The following TINCR variants were observed in gnomAD, a reference collection of about 807,000 sequenced individuals.
TINCR encodes the protein TINCR-encoded ubiquitin-like protein.
chr19:5,559,937 A>C (rs1328559686), downstream of TINCR: 1 of 152,282 alleles, frequency 6.6e-6, no homozygotes, highest in Non-Finnish European at 1.5e-5. Context: ...TCTGCAGAAC[A>C]GACAGCAGCA....
Position 5,565,052 on chromosome 19 carries a change from T to A in TINCR, c.261-2103A>T, listed in dbSNP as rs1390084437. 6.6e-6 allele frequency among the ~76,000 whole-genome samples: 1 copy of A among 152,116 alleles called. No homozygotes were observed. The highest frequency in any genetic ancestry group is 2.4e-5 in the African/African-American group (1 of 41,422). On this transcript the variant is annotated intron_variant, in intron 1 of 1. Transcript: ENST00000646160. The surrounding 1 kb of genome is among the most constrained non-coding windows in gnomAD (Gnocchi z 4.0). The stretch of plus-strand genomic sequence containing the variant: ...CGTCCCTCCTCTGCCCACAGCCCTC[T>A]ATGGCTCCCACCTCCCTCGGAGTCA...
At chr19:5,564,155 G>C (rs1035927025) in intron 1 of TINCR, among the ~76,000 whole-genome samples, 8 of 152,162 alleles carry the variant, frequency 5.3e-5, no homozygotes, top group Non-Finnish European at 1.2e-4. Flanking sequence ...GGAGGGAGAA[G>C]AGGGGGCCCT....
intron 1 of TINCR, 36 bp downstream of exon 1, chr19:5,567,629 G>GGCCCC: frequency 5.5e-6 from 1 of 181,986 alleles, no homozygotes. Flanking sequence ...CCCGGCCGCC[G>GGCCCC]CCCCCGCCCC....
At chr19:5,567,626 G>GCCTACCCCCCCCCCCCC in intron 1 of TINCR, 39 bp downstream of exon 1, 6 of 202,436 alleles carry the variant, frequency 3.0e-5, no homozygotes, top group Non-Finnish European at 5.9e-5. Flanking sequence ...GTCCCCGGCC[G>GCCTACCCCCCCCCCCCC]CCGCCCCCGC....
At chr19:5,566,865 G>A (rs1265102914) in intron 1 of TINCR, among the ~76,000 whole-genome samples, 1 of 151,596 alleles carries the variant, frequency 6.6e-6, no homozygotes, top group African/African-American at 2.4e-5. Flanking sequence ...CAGAGAGGGA[G>A]ACAGAAAAGA....
At chr19:5,564,086 ATGT>A (rs932444754) in intron 1 of TINCR, among the ~76,000 whole-genome samples, 29 of 152,048 alleles carry the variant, frequency 1.9e-4, no homozygotes, top group African/African-American at 6.3e-4. Context: ...GAGGCAGAAA[ATGT>A]TGTCACTACT....
intron 1 of TINCR, among the ~76,000 whole-genome samples, chr19:5,566,987 C>G (rs950658147): frequency 1.3e-5 from 2 of 150,662 alleles, no homozygotes; most frequent in African/African-American, 4.9e-5. Flanking sequence ...CAATCACAGG[C>G]AACCAAATCA....
chr19:5,565,634 C>G lies in TINCR; in HGVS notation c.260+2031G>C, dbSNP rs1034017678. Among the ~76,000 whole-genome samples, 7 of 152,120 alleles carry G rather than the reference C, an allele frequency of 4.6e-5. No homozygotes were observed. The highest frequency in any genetic ancestry group is 1.7e-4 in the African/African-American group (7 of 41,428). On this transcript the variant is annotated intron_variant, in intron 1 of 1. Coordinates refer to ENST00000646160, the Ensembl canonical transcript of TINCR. The surrounding 1 kb of genome is among the most constrained non-coding windows in gnomAD (Gnocchi z 4.0). ...TAGCCCCAAGCTCTGAACCTCCATCCCTCATCATCCTCTCAGCCTCCCCGT... is the reference window on the plus strand; with the variant it reads ...TAGCCCCAAGCTCTGAACCTCCATCGCTCATCATCCTCTCAGCCTCCCCGT...
At chr19:5,567,925 G>A (rs1000696305) in exon 1 of TINCR, 2 of 383,758 alleles carry the variant, frequency 5.2e-6, no homozygotes, top group Admixed American at 9.0e-5. Context: ...GCCCCTCCAT[G>A]GCGCCCGCCC....
chr19:5,562,039 T>C (rs899885157), downstream of TINCR: 2 of 152,674 alleles, frequency 1.3e-5, no homozygotes, highest in Admixed American at 6.5e-5. This position sits in a 1 kb window ranked among gnomAD's most constrained non-coding sequence, Gnocchi z 4.4. Flanking sequence ...GTCTCCACAA[T>C]CTCTAAGGTC....
intron 1 of TINCR, among the ~76,000 whole-genome samples, chr19:5,564,799 A>C (rs1307215571): frequency 6.6e-6 from 1 of 152,176 alleles, no homozygotes; most frequent in East Asian, 1.9e-4. Context: ...GCTGGTCTCG[A>C]ACTCTTGACT....
downstream of TINCR, chr19:5,558,237 G>A (rs563159441): frequency 6.6e-6 from 1 of 152,294 alleles, no homozygotes; most frequent in South Asian, 2.1e-4. Context: ...GTTCCAAGCT[G>A]GGTGATCCTG....
At chr19:5,564,059 TG>T (rs764635289) in intron 1 of TINCR, among the ~76,000 whole-genome samples, 7 of 152,322 alleles carry the variant, frequency 4.6e-5, no homozygotes, top group Non-Finnish European at 8.8e-5. Context: ...CCTGTCTCCC[TG>T]CAACGCTGCT....
intron 1 of TINCR, 125 bp downstream of exon 1, chr19:5,567,540 G>C: frequency 2.7e-6 from 1 of 368,296 alleles, no homozygotes; most frequent in Non-Finnish European, 4.8e-6. Context: ...AGGCCGGGCG[G>C]GCAGCGCGAG....
At position 5,563,705 on chromosome 19, in the gene TINCR, A is replaced by T. The variant is rs2052112913; in HGVS notation, c.261-756T>A. 6.6e-6 allele frequency among the ~76,000 whole-genome samples: 1 copy of T among 152,128 alleles called. No individual in the cohort carries two copies. The highest frequency in any genetic ancestry group is 1.5e-5 in the Non-Finnish European group (1 of 68,024). On this transcript the variant is annotated intron_variant, in intron 1 of 1. Coordinates refer to ENST00000646160, the Ensembl canonical transcript of TINCR. This position sits in a 1 kb window ranked among gnomAD's most constrained non-coding sequence, Gnocchi z 4.7. ...TGAGGTAGGCAGATCACCTGAGGTT[A>T]GGAGTTTGAGACCAGCCTGGCCAAC...
chr19:5,567,917 C>T (rs1599205124), exon 1 of TINCR: 3 of 386,198 alleles, frequency 7.8e-6, no homozygotes, highest in African/African-American at 4.2e-5. Context: ...CCGCCGCAGC[C>T]CCTCCATGGC....
At chr19:5,564,216 C>A (rs2052116072) in intron 1 of TINCR, among the ~76,000 whole-genome samples, 1 of 152,176 alleles carries the variant, frequency 6.6e-6, no homozygotes, top group East Asian at 1.9e-4. Flanking sequence ...GAGCAGCCCA[C>A]GCAGCTTCTC....
chr19:5,566,639 CAGAG>C (rs1369250396), intron 1 of TINCR, among the ~76,000 whole-genome samples: 8 of 147,224 alleles, frequency 5.4e-5, no homozygotes, highest in Admixed American at 2.0e-4. Flanking sequence ...GACAAAGAGA[CAGAG>C]AGACAGGGAG....
At chr19:5,560,491 G>T (rs971007458), downstream of TINCR, 1 of 152,244 alleles carries the variant, frequency 6.6e-6, no homozygotes, top group South Asian at 2.1e-4. The surrounding 1 kb of genome is among the most constrained non-coding windows in gnomAD (Gnocchi z 4.5). Context: ...GCTGCGCAAC[G>T]ATGACGTGGC....
Sources: gnomAD v4.1 joint callset for allele counts (sites outside exome capture counted in the v4.1 genomes callset) on GRCh38, gnomAD v4.1.1 for gene constraint, Gnocchi (gnomAD v3.1) non-coding constraint, MANE v1.5 for transcripts, NCBI Gene and HGNC (gene_info 2026-07-23, HGNC 2026-07-21) for gene names.